Variants in ZSWIM2 observed in about 807,000 individuals in gnomAD.
The protein encoded by ZSWIM2 is E3 ubiquitin-protein ligase ZSWIM2.
ZSWIM2 carries 38 observed loss-of-function variants against 48.4 expected under a neutral mutation model. The observed-to-expected ratio is 0.79, with a 90% confidence interval of 0.61 to 1.03. The LOEUF (loss-of-function observed/expected upper bound fraction) is 1.03, where lower values mean the gene tolerates loss of function less well. Ranked by LOEUF, ZSWIM2 falls within the 50% of genes least tolerant of loss-of-function variation. The pLI is 0.00. For synonymous variants in ZSWIM2, 240 were observed against 251.3 expected, an observed-to-expected ratio of 0.96 and a Z score of 0.42; for missense variants, 776 against 730.2, an observed-to-expected ratio of 1.06 and a Z score of -0.72.
intron 1 of ZSWIM2, 138 bp from the exon 2 acceptor site, chr2:186,847,933 T>C (rs1692036231): frequency 3.8e-6 from 2 of 519,766 alleles, no homozygotes; most frequent in East Asian, 6.3e-5. Flanking sequence ...CTGGAGAATC[T>C]TAATTCTTGA....
At chr2:186,843,546 T>A (rs564595975) in intron 3 of ZSWIM2, among the ~76,000 whole-genome samples, 39 of 151,562 alleles carry the variant, frequency 2.6e-4, no homozygotes, top group African/African-American at 9.4e-4. Context: ...ATTTGTGGTA[T>A]GGGTAGATAC....
chr2:186,839,028 T>G lies in ZSWIM2; in HGVS notation c.425A>C (p.Asp142Ala), dbSNP rs758948190. 1.9e-6 allele frequency: 3 copies of G among 1,611,700 alleles called. No homozygotes were observed. In the East Asian group the frequency reaches 6.7e-5, roughly 36 times the overall value. The change falls in exon 4 of 9, where the codon GAT becomes GCT. Residue 142 changes from aspartate to alanine, a missense_variant. By Grantham distance (126) the Asp-to-Ala change is moderately radical. Coordinates refer to ENST00000295131, the MANE Select transcript of ZSWIM2 (RefSeq NM_182521.3). ...EDGYIKQKEI[D>A]SEDICSICQE... is the part of the protein sequence containing the mutation. ...ACAAATAGAGCAGATATCCTCTGAATCAATTTCCTTCTGTTTAATGTACCC... is the reference window on the plus strand; with the variant it reads ...ACAAATAGAGCAGATATCCTCTGAAGCAATTTCCTTCTGTTTAATGTACCC...
chr2:186,848,918 G>C (rs1197774414), intron 1 of ZSWIM2, 48 bp downstream of exon 1: 63 of 1,609,610 alleles, frequency 3.9e-5, no homozygotes, highest in Non-Finnish European at 5.3e-5. Flanking sequence ...GGGGGAACCT[G>C]GTGGGCGGGG....
chr2:186,837,778 C>G (rs1232924908), intron 4 of ZSWIM2, among the ~76,000 whole-genome samples: 1 of 150,782 alleles, frequency 6.6e-6, no homozygotes, highest in African/African-American at 2.4e-5. Context: ...CATCAGAATT[C>G]CAAACTTAAA....
chr2:186,827,563 A>G lies in ZSWIM2; in HGVS notation c.*421T>C, dbSNP rs1247455292. Among the ~76,000 whole-genome samples the G allele has an allele frequency of 1.4e-5, 2 of 147,394 alleles. No individual in the cohort carries two copies. Among genetic ancestry groups the G allele is most frequent in the Non-Finnish European group, 3.0e-5 (2 of 65,984 alleles). On this transcript the variant is annotated 3_prime_UTR_variant, in exon 9 of 9. Coordinates refer to ENST00000295131, the MANE Select transcript of ZSWIM2 (RefSeq NM_182521.3). ...ATGGAGTTTTTTAAGGTTTTTTTTT[A>G]TAGGTTTGTGGTAATTACTAGTGCA...
chr2:186,842,488 C>A (rs767640513), intron 3 of ZSWIM2, among the ~76,000 whole-genome samples: 2 of 151,322 alleles, frequency 1.3e-5, no homozygotes, highest in African/African-American at 2.4e-5. Flanking sequence ...CTACTGTAGA[C>A]TGAATGGTTG....
rs1269524521 is a variant in ZSWIM2 at position 186,828,512 on chromosome 2, T to G, written c.1374A>C (p.Pro458=). 1.9e-6 allele frequency: 3 copies of G among 1,613,408 alleles called. No homozygotes were observed. The highest frequency in any genetic ancestry group is 4.5e-5 in the East Asian group (2 of 44,862). ...TTGTTGTATTTTCATAGGCATCTTT[T>G]GGGCTTTGAGGTGTATTCAATTCAT... ...NFDELNTPQS[P]KDAYENTTID... is the part of the protein sequence containing the mutation. Residue 458 remains proline (P), a synonymous_variant, in exon 9 of 9, where the codon CCA becomes CCC. Coordinates refer to ENST00000295131, the MANE Select transcript of ZSWIM2 (RefSeq NM_182521.3).
chr2:186,828,899 A>T, intron 8 of ZSWIM2, 109 bp from the exon 9 acceptor site: 1 of 662,600 alleles, frequency 1.5e-6, no homozygotes, highest in Non-Finnish European at 2.2e-6. Flanking sequence ...ATTTAGCAAA[A>T]TTGAAAAATA....
chr2:186,836,214 C>A (rs560754395), intron 5 of ZSWIM2, among the ~76,000 whole-genome samples: 2 of 152,084 alleles, frequency 1.3e-5, no homozygotes, highest in African/African-American at 4.8e-5. Flanking sequence ...CTATCCACCC[C>A]TCTTGAGAAA....
At chr2:186,837,621 T>C in intron 4 of ZSWIM2, 67 bp from the exon 5 acceptor site, 1 of 401,380 alleles carries the variant, frequency 2.5e-6, no homozygotes, top group Non-Finnish European at 3.5e-6. Flanking sequence ...TGTATATATA[T>C]ATATATATTA....
At position 186,828,342 on chromosome 2, in the gene ZSWIM2, G is replaced by T. The variant is rs1254756581; in HGVS notation, c.1544C>A (p.Pro515His). ...FGKIPSQTLL[P>H]PIVHKNIVCP... ...CACAATATTCTTATGAACAATAGGA[G>T]GAAGCAGTGTTTGAGATGGTATTTT... is the stretch of plus-strand genomic sequence containing the variant. The change falls in exon 9 of 9, where the codon CCT becomes CAT. Residue 515 changes from proline (P) to histidine (H), a missense_variant. Transcript: ENST00000295131. 13 of 1,613,724 alleles carry T rather than the reference G, an allele frequency of 8.1e-6. No homozygotes were observed. Among genetic ancestry groups the T allele is most frequent in the Non-Finnish European group, 1.0e-5 (12 of 1,179,804 alleles).
chr2:186,842,039 C>T (rs1033747372), intron 3 of ZSWIM2, among the ~76,000 whole-genome samples: 1 of 150,938 alleles, frequency 6.6e-6, no homozygotes, highest in African/African-American at 2.4e-5. Flanking sequence ...TAATAATATT[C>T]CCATATAATC....
intron 3 of ZSWIM2, among the ~76,000 whole-genome samples, chr2:186,840,787 AT>A (rs1319436177): frequency 6.6e-6 from 1 of 151,530 alleles, no homozygotes; most frequent in East Asian, 1.9e-4. Flanking sequence ...AAAAGAACAG[AT>A]GATCCAATTT....
chr2:186,846,021 C>A (rs1369100349), intron 2 of ZSWIM2, among the ~76,000 whole-genome samples: 1 of 151,786 alleles, frequency 6.6e-6, no homozygotes, highest in Non-Finnish European at 1.5e-5. Flanking sequence ...AGACCTTAAA[C>A]TACAAAAACT....
Position 186,828,333 on chromosome 2 carries a change from A to G in ZSWIM2, c.1553T>C (p.Val518Ala). The change falls in exon 9 of 9, where the codon GTT becomes GCT. Residue 518 changes from valine (V) to alanine (A), a missense_variant. Transcript: ENST00000295131. ...IPSQTLLPPI[V>A]HKNIVCPTAM... Reference sequence around the variant, plus strand: ...AGTGGGACACACAATATTCTTATGAACAATAGGAGGAAGCAGTGTTTGAGA... The same window carrying G: ...AGTGGGACACACAATATTCTTATGAGCAATAGGAGGAAGCAGTGTTTGAGA... 1 of 1,613,736 alleles carries G rather than the reference A, an allele frequency of 6.2e-7. No individual in the cohort carries two copies. Among genetic ancestry groups the G allele is most frequent in the Non-Finnish European group, 8.5e-7 (1 of 1,179,810 alleles).
intron 4 of ZSWIM2, 62 bp downstream of exon 4, chr2:186,838,897 A>T (rs944350758): frequency 1.3e-5 from 19 of 1,476,090 alleles, no homozygotes; most frequent in Non-Finnish European, 1.6e-5. Flanking sequence ...TAAGGTAATA[A>T]ATCAGAAATA....
chr2:186,843,503 C>G (rs1222184971), intron 3 of ZSWIM2, among the ~76,000 whole-genome samples: 1 of 151,348 alleles, frequency 6.6e-6, no homozygotes, highest in East Asian at 1.9e-4. Flanking sequence ...AATAGAAACA[C>G]TTGAGAAATA....
chr2:186,829,856 A>C lies in ZSWIM2; in HGVS notation c.966T>G (p.Ile322Met), dbSNP rs759231877. The C allele has an allele frequency of 1.2e-6, 2 of 1,613,648 alleles. No homozygotes were observed. The highest frequency in any genetic ancestry group is 1.7e-5 in the Admixed American group (1 of 59,954). The change falls in exon 8 of 9, where the codon ATT (isoleucine) becomes ATG (methionine). Residue 322 changes from isoleucine (I) to methionine (M), a missense_variant. Coordinates refer to ENST00000295131, the MANE Select transcript of ZSWIM2 (RefSeq NM_182521.3). ...KQGQVYTPKH[I>M]VRSLPLQLIT... ...TCAGTTGGAGAGGCAGTGATCTTACAATGTGTTTTGGTGTGTAAACTTGGC... is the reference window on the plus strand; with the variant it reads ...TCAGTTGGAGAGGCAGTGATCTTACCATGTGTTTTGGTGTGTAAACTTGGC...
Position 186,829,885 on chromosome 2 carries a change from A to G in ZSWIM2, c.942-5T>C, listed in dbSNP as rs769405993. The stretch of plus-strand genomic sequence containing the variant: ...TGTTTTGGTGTGTAAACTTGGCTGA[A>G]TGAGAATAAGCAGAGACATGAGTGT... On this transcript the variant is annotated splice_polypyrimidine_tract_variant and splice_region_variant and intron_variant, in intron 7 of 8. Transcript: ENST00000295131. The G allele has an allele frequency of 5.0e-6, 8 of 1,613,278 alleles. No individual in the cohort carries two copies. The highest frequency in any genetic ancestry group is 5.9e-6 in the Non-Finnish European group (7 of 1,179,620).
Sources: gnomAD v4.1 joint callset for allele counts (sites outside exome capture counted in the v4.1 genomes callset) on GRCh38, gnomAD v4.1.1 for gene constraint, MANE v1.5 for transcripts, NCBI Gene and HGNC (gene_info 2026-07-23, HGNC 2026-07-21) for gene names.